Variants in VWA8 observed in about 807,000 individuals in gnomAD.
The protein encoded by VWA8 is von Willebrand factor A domain containing 8.
In VWA8, 221 loss-of-function variants were observed where a neutral mutation model predicts 241.5. The observed-to-expected ratio is 0.91, with a 90% CI of 0.82 to 1.02. The LOEUF (loss-of-function observed/expected upper bound fraction) is 1.02, where lower values mean the gene tolerates loss of function less well. VWA8 is among the 50% of genes least tolerant of loss of function. The pLI is 0.00. For missense variants in VWA8, 2,322 were observed against 2,328.7 expected, an observed-to-expected ratio of 1.00 and a Z score of 0.06; for synonymous variants, 852 against 827.1, an observed-to-expected ratio of 1.03 and a Z score of -0.52.
chr13:41,733,967 T>C (rs1243633885), intron 21 of VWA8, among the ~76,000 whole-genome samples: 3 of 152,244 alleles, frequency 2.0e-5, no homozygotes, highest in African/African-American at 7.2e-5. Flanking sequence ...TCATTGGATT[T>C]TGTTTTTAAA....
intron 38 of VWA8, 106 bp downstream of exon 38, chr13:41,614,870 T>C: frequency 2.7e-6 from 3 of 1,094,100 alleles, no homozygotes; most frequent in Non-Finnish European, 4.0e-6. Context: ...TGAGGGAGGC[T>C]GAGAAGGAAA....
intron 14 of VWA8, among the ~76,000 whole-genome samples, chr13:41,825,777 T>C (rs765359013): frequency 7.9e-5 from 12 of 152,192 alleles, no homozygotes; most frequent in Non-Finnish European, 1.6e-4. Context: ...AGTACAGAAA[T>C]GAAAGGACAG....
intron 12 of VWA8, among the ~76,000 whole-genome samples, chr13:41,844,597 G>C (rs1872201588): frequency 6.6e-6 from 1 of 152,042 alleles, no homozygotes; most frequent in Non-Finnish European, 1.5e-5. Flanking sequence ...AAACCCCACA[G>C]ACTCCCTCAA....
At chr13:41,829,217 C>A (rs1158956524) in intron 14 of VWA8, among the ~76,000 whole-genome samples, 4 of 152,002 alleles carry the variant, frequency 2.6e-5, no homozygotes, top group Admixed American at 6.6e-5. Flanking sequence ...GCAAGAATGG[C>A]CATAATTAAA....
At chr13:41,754,331 G>A (rs1448168882) in intron 21 of VWA8, among the ~76,000 whole-genome samples, 1 of 152,066 alleles carries the variant, frequency 6.6e-6, no homozygotes, top group East Asian at 1.9e-4. Context: ...TCTCTTGTCT[G>A]CCACCATGTG....
At chr13:41,860,709 G>A (rs1872966356) in intron 12 of VWA8, among the ~76,000 whole-genome samples, 6 of 152,094 alleles carry the variant, frequency 3.9e-5, no homozygotes, top group Admixed American at 3.9e-4. Context: ...TAACAAGATA[G>A]CATACTCAAA....
intron 12 of VWA8, among the ~76,000 whole-genome samples, chr13:41,864,152 A>G (rs73185320): frequency 0.24 from 36,644 of 151,550 alleles, 5,244 homozygotes; most frequent in Non-Finnish European, 0.31. Context: ...AAAAAAAAAA[A>G]AAAAAAAGAA....
chr13:41,745,494 C>T (rs554999778), intron 21 of VWA8, among the ~76,000 whole-genome samples: 4 of 152,186 alleles, frequency 2.6e-5, no homozygotes, highest in South Asian at 4.1e-4. Context: ...CTACAAAGAA[C>T]TTAAACAAAT....
intron 21 of VWA8, among the ~76,000 whole-genome samples, chr13:41,753,040 G>A (rs1175418305): frequency 6.6e-6 from 1 of 152,136 alleles, no homozygotes; most frequent in African/African-American, 2.4e-5. Flanking sequence ...AGGGTTGGGG[G>A]AGAAAGGAGC....
chr13:41,827,995 C>A (rs538139827), intron 14 of VWA8, among the ~76,000 whole-genome samples: 32 of 152,128 alleles, frequency 2.1e-4, no homozygotes, highest in Non-Finnish European at 3.7e-4. Context: ...GTTCCATGAC[C>A]CGTGATTCAC....
chr13:41,878,314 G>C (rs1874000356), intron 9 of VWA8, among the ~76,000 whole-genome samples: 1 of 151,682 alleles, frequency 6.6e-6, no homozygotes, highest in South Asian at 2.1e-4. Flanking sequence ...ATAAATATTA[G>C]CTTAAAATAA....
intron 4 of VWA8, among the ~76,000 whole-genome samples, chr13:41,901,889 A>AAAAAATATATATATAT (rs1566500253): frequency 1.2e-5 from 1 of 83,332 alleles, no homozygotes; most frequent in African/African-American, 5.0e-5. Flanking sequence ...AAAAAAAAAA[A>AAAAAATATATATATAT]ATATATATAT....
intron 12 of VWA8, among the ~76,000 whole-genome samples, chr13:41,864,141 T>TAAAAAAAA (rs1173896404): frequency 8.7e-6 from 1 of 114,306 alleles, no homozygotes. Context: ...ATGATGATTA[T>TAAAAAAAA]AAAAAAAAAA....
chr13:41,702,308 AG>A (rs879926409), intron 27 of VWA8, among the ~76,000 whole-genome samples: 2 of 152,088 alleles, frequency 1.3e-5, no homozygotes, highest in Non-Finnish European at 2.9e-5. Flanking sequence ...CTATATCTTG[AG>A]GGCTAGGGAG....
intron 17 of VWA8, among the ~76,000 whole-genome samples, chr13:41,798,689 TG>T (rs1366102354): frequency 6.6e-6 from 1 of 152,190 alleles, no homozygotes; most frequent in African/African-American, 2.4e-5. Flanking sequence ...CTTTCTGTTC[TG>T]GAATTCTCCT....
chr13:41,724,217 C>T (rs941671225), intron 24 of VWA8, among the ~76,000 whole-genome samples: 1 of 152,102 alleles, frequency 6.6e-6, no homozygotes, highest in African/African-American at 2.4e-5. Context: ...GAGCAAAAAT[C>T]TGATTAGAAT....
intron 14 of VWA8, 138 bp from the exon 15 acceptor site, chr13:41,819,524 GA>G (rs983938899): frequency 8.3e-6 from 8 of 969,530 alleles, no homozygotes; most frequent in Non-Finnish European, 1.0e-5. Flanking sequence ...GATTAGCTTT[GA>G]AAAAAACAAA....
chr13:41,637,607 C>T (rs2044767812), intron 37 of VWA8, among the ~76,000 whole-genome samples: 1 of 151,646 alleles, frequency 6.6e-6, no homozygotes, highest in Non-Finnish European at 1.5e-5. Flanking sequence ...AAAAGAACAT[C>T]AGGAAGAAAT....
chr13:41,827,874 G>T (rs1871246816), intron 14 of VWA8, among the ~76,000 whole-genome samples: 1 of 152,194 alleles, frequency 6.6e-6, no homozygotes, highest in South Asian at 2.1e-4. Flanking sequence ...TCATTTCCTT[G>T]ACATTTGGAG....
Sources: gnomAD v4.1 joint callset for allele counts (sites outside exome capture counted in the v4.1 genomes callset) on GRCh38, gnomAD v4.1.1 for gene constraint, MANE v1.5 for transcripts, NCBI Gene and HGNC (gene_info 2026-07-23, HGNC 2026-07-21) for gene names.